Variants in HOMER2 observed in about 807,000 individuals in gnomAD.
HOMER2 encodes homer scaffold protein 2, also known as homer protein homolog 2.
HOMER2 carries 27 observed loss-of-function variants against 47.0 expected under a neutral mutation model. The observed-to-expected ratio is 0.57, with a 90% CI of 0.42 to 0.79. The LOEUF (loss-of-function observed/expected upper bound fraction) is 0.79, where lower values mean the gene tolerates loss of function less well. HOMER2 is among the 30% of genes least tolerant of loss of function. The pLI is 0.00. For missense variants in HOMER2, 443 were observed against 435.0 expected (o/e 1.02, Z -0.16); for synonymous variants, 161 against 163.8 (o/e 0.98, Z 0.13).
At chr15:82,876,115 C>T (rs1449102679) in intron 2 of HOMER2, among the ~76,000 whole-genome samples, 2 of 152,170 alleles carry the variant, frequency 1.3e-5, no homozygotes, top group African/African-American at 2.4e-5. Flanking sequence ...ACATGGCAAC[C>T]TCACAGGAGT....
chr15:82,906,072 T>G (rs1159082257), intron 1 of HOMER2, among the ~76,000 whole-genome samples: 2 of 152,206 alleles, frequency 1.3e-5, no homozygotes, highest in African/African-American at 4.8e-5. Flanking sequence ...TATAAATTAC[T>G]TGTACTACAC....
intron 2 of HOMER2, among the ~76,000 whole-genome samples, chr15:82,882,736 A>G (rs2052564421): frequency 6.6e-6 from 1 of 152,210 alleles, no homozygotes; most frequent in African/African-American, 2.4e-5. Flanking sequence ...TGTGCCTGGC[A>G]TGGAATGACA....
At chr15:82,920,846 C>CTTTT (rs76849781) in intron 1 of HOMER2, among the ~76,000 whole-genome samples, 1 of 135,838 alleles carries the variant, frequency 7.4e-6, no homozygotes, top group South Asian at 2.4e-4. Flanking sequence ...GTAAAACAAT[C>CTTTT]TTTTTTTTTT....
chr15:82,923,885 G>A (rs1312467530), intron 1 of HOMER2, among the ~76,000 whole-genome samples: 3 of 152,186 alleles, frequency 2.0e-5, no homozygotes, highest in Admixed American at 6.5e-5. Context: ...TCTGAAAGAG[G>A]CTGTAAAGCA....
chr15:82,978,633 C>T (rs1225899488), intron 1 of HOMER2, among the ~76,000 whole-genome samples: 1 of 152,174 alleles, frequency 6.6e-6, no homozygotes, highest in African/African-American at 2.4e-5. Context: ...CAACAAACCC[C>T]GTGTGTTGTG....
At chr15:82,893,329 C>CT (rs771392216) in intron 1 of HOMER2, among the ~76,000 whole-genome samples, 55,897 of 118,932 alleles carry the variant, frequency 0.47, 13,841 homozygotes, top group African/African-American at 0.51. Context: ...ATAATTTTAT[C>CT]TTTTTTTTTT....
At chr15:82,966,397 A>AG (rs1207720243) in intron 1 of HOMER2, among the ~76,000 whole-genome samples, 2 of 152,072 alleles carry the variant, frequency 1.3e-5, no homozygotes, top group East Asian at 1.9e-4. Flanking sequence ...ACAGAATAAA[A>AG]GGGGGGGAAA....
intron 1 of HOMER2, among the ~76,000 whole-genome samples, chr15:82,902,359 G>C (rs978423870): frequency 6.6e-6 from 1 of 151,874 alleles, no homozygotes; most frequent in Non-Finnish European, 1.5e-5. Flanking sequence ...CACCACGCCC[G>C]GCTAATTTTT....
At chr15:82,977,155 A>C (rs1052900557) in intron 1 of HOMER2, among the ~76,000 whole-genome samples, 4 of 152,202 alleles carry the variant, frequency 2.6e-5, no homozygotes, top group Non-Finnish European at 4.4e-5. Flanking sequence ...AGCAAATTAT[A>C]GCAAAATGCT....
chr15:82,852,222 T>A lies in HOMER2; in HGVS notation c.682A>T (p.Ile228Phe), dbSNP rs1467870834. ...GTGTTCTTCTCCTTCTCTCTGTTGATCTCACTGCATTGTTCTTCCAGCTCA... is the reference window on the plus strand; with the variant it reads ...GTGTTCTTCTCCTTCTCTCTGTTGAACTCACTGCATTGTTCTTCCAGCTCA... ...IDELEEQCSEINREKEKNTQL... is the reference protein window; with the variant it reads ...IDELEEQCSEFNREKEKNTQL... The change falls in exon 7 of 9, where the codon ATC becomes TTC. Residue 228 changes from isoleucine to phenylalanine, a missense_variant. Physicochemically the swap from Ile to Phe is conservative, Grantham distance 21 (BLOSUM62 0). Transcript: ENST00000450735. 1 of 1,613,900 alleles carries A rather than the reference T, an allele frequency of 6.2e-7. No individual in the cohort carries two copies. The highest frequency in any genetic ancestry group is 8.5e-7 in the Non-Finnish European group (1 of 1,179,844).
At chr15:82,958,091 C>G (rs2054601112), downstream of HOMER2, 1 of 152,234 alleles carries the variant, frequency 6.6e-6, no homozygotes, top group Admixed American at 6.5e-5. Context: ...CCTGCCTCGG[C>G]CTCCCAAAGT....
At chr15:82,858,440 A>C (rs1188240264) in intron 5 of HOMER2, among the ~76,000 whole-genome samples, 5 of 152,010 alleles carry the variant, frequency 3.3e-5, no homozygotes, top group South Asian at 4.2e-4. Context: ...CTACAGGTAA[A>C]CACCACCATA....
At chr15:82,939,249 C>A (rs2054208064) in intron 1 of HOMER2, among the ~76,000 whole-genome samples, 1 of 152,218 alleles carries the variant, frequency 6.6e-6, no homozygotes, top group African/African-American at 2.4e-5. Flanking sequence ...GCCGCACAGC[C>A]TAGAAACATA....
At chr15:82,877,981 G>A (rs1347534582) in intron 2 of HOMER2, among the ~76,000 whole-genome samples, 1 of 152,168 alleles carries the variant, frequency 6.6e-6, no homozygotes, top group African/African-American at 2.4e-5. Flanking sequence ...ACCTAAGGAA[G>A]GTGTGTGGCT....
chr15:82,960,123 A>T (rs2054618456), intron 1 of HOMER2, among the ~76,000 whole-genome samples: 1 of 152,154 alleles, frequency 6.6e-6, no homozygotes, highest in Non-Finnish European at 1.5e-5. Flanking sequence ...AACACTAGGG[A>T]TGAGTTAAGA....
intron 1 of HOMER2, among the ~76,000 whole-genome samples, chr15:82,939,461 G>A (rs765152578): frequency 6.6e-6 from 1 of 152,142 alleles, no homozygotes; most frequent in Non-Finnish European, 1.5e-5. Flanking sequence ...GTGGCTAGAA[G>A]TTCGAGACCA....
intron 2 of HOMER2, among the ~76,000 whole-genome samples, chr15:82,881,617 G>A (rs571473856): frequency 1.9e-4 from 29 of 152,328 alleles, no homozygotes; most frequent in Admixed American, 1.0e-3. Flanking sequence ...AAGGTGCTCT[G>A]TATTTATTCA....
At chr15:82,867,683 G>A (rs1268158244) in intron 3 of HOMER2, among the ~76,000 whole-genome samples, 2 of 152,176 alleles carry the variant, frequency 1.3e-5, no homozygotes, top group Non-Finnish European at 2.9e-5. Flanking sequence ...GTAGTGTTGT[G>A]TATTGGTGCA....
intron 7 of HOMER2, among the ~76,000 whole-genome samples, chr15:82,851,628 CGG>C (rs2051399398): frequency 6.6e-6 from 1 of 152,074 alleles, no homozygotes; most frequent in Non-Finnish European, 1.5e-5. Context: ...AGCTGGGCTG[CGG>C]TGTGGTGGGC....
Sources: gnomAD v4.1 joint callset for allele counts (sites outside exome capture counted in the v4.1 genomes callset) on GRCh38, gnomAD v4.1.1 for gene constraint, MANE v1.5 for transcripts, NCBI Gene and HGNC (gene_info 2026-07-23, HGNC 2026-07-21) for gene names.